The following MAP4K3 variants were observed in gnomAD, a reference collection of about 807,000 sequenced individuals.
MAP4K3 encodes MAPK/ERK kinase kinase kinase 3.
MAP4K3 carries 94 observed loss-of-function variants against 143.5 expected under a neutral mutation model. The ratio of observed to expected loss-of-function variants is 0.65; its 90% CI spans 0.55 to 0.78. MAP4K3 has a LOEUF of 0.78. Ranked by LOEUF, MAP4K3 falls within the 30% of genes least tolerant of loss-of-function variation. The pLI, the probability that MAP4K3 is intolerant of heterozygous loss-of-function variation, is 0.00. For missense variants in MAP4K3, 1,077 were observed against 1,068.1 expected (o/e 1.01, Z -0.12); for synonymous variants, 416 against 347.2 (o/e 1.20, Z -2.20).
intron 7 of MAP4K3, among the ~76,000 whole-genome samples, chr2:39,333,041 T>C (rs1377741819): frequency 2.0e-5 from 3 of 152,130 alleles, no homozygotes; most frequent in Admixed American, 2.0e-4. Flanking sequence ...TCTATTTTAA[T>C]TGAAAATTTA....
Position 39,286,851 on chromosome 2 carries a change from C to T in MAP4K3, c.1587+1G>A, listed in dbSNP as rs1290162895. The T allele has an allele frequency of 1.9e-6, 3 of 1,588,218 alleles. No homozygotes were observed. The highest frequency in any genetic ancestry group is 1.7e-6 in the Non-Finnish European group (2 of 1,166,444). On this transcript the variant is annotated splice_donor_variant, in intron 21 of 33. Transcript: ENST00000263881. LOFTEE classifies it high-confidence loss of function. ...TAGAACTTATGACTATCAATACCTA[C>T]TGGTACATCTTTCTTTTCTTTTCTT...
At chr2:39,328,748 T>C (rs1205818375) in intron 8 of MAP4K3, among the ~76,000 whole-genome samples, 2 of 152,170 alleles carry the variant, frequency 1.3e-5, no homozygotes, top group Non-Finnish European at 2.9e-5. Flanking sequence ...CTAAGAAATG[T>C]AGTTGATGCA....
At chr2:39,433,505 A>C (rs1665357226) in intron 1 of MAP4K3, among the ~76,000 whole-genome samples, 1 of 152,210 alleles carries the variant, frequency 6.6e-6, no homozygotes. Flanking sequence ...TCATATTATG[A>C]TCTATTATAA....
At chr2:39,299,641 A>G (rs1298867703) in intron 16 of MAP4K3, 102 bp downstream of exon 16, 7 of 533,010 alleles carry the variant, frequency 1.3e-5, no homozygotes, top group Non-Finnish European at 2.2e-5. Flanking sequence ...AAATATATCT[A>G]CCAGCCTAAT....
intron 8 of MAP4K3, among the ~76,000 whole-genome samples, chr2:39,328,217 GTTAC>G (rs989667148): frequency 6.6e-6 from 1 of 152,138 alleles, no homozygotes; most frequent in African/African-American, 2.4e-5. Context: ...TGTGGTTCTA[GTTAC>G]TTGGGAGGCT....
chr2:39,301,800 G>A (rs1436736932), intron 15 of MAP4K3, among the ~76,000 whole-genome samples: 2 of 152,096 alleles, frequency 1.3e-5, no homozygotes, highest in African/African-American at 2.4e-5. Flanking sequence ...CGAGGCGGGC[G>A]GATCATGAGG....
At chr2:39,407,582 T>C (rs1053741511) in intron 1 of MAP4K3, among the ~76,000 whole-genome samples, 1 of 152,156 alleles carries the variant, frequency 6.6e-6, no homozygotes, top group African/African-American at 2.4e-5. Flanking sequence ...TTGTTTTTTA[T>C]AGAGCGAGAG....
At chr2:39,310,910 T>A (rs1573131469) in intron 13 of MAP4K3, among the ~76,000 whole-genome samples, 1 of 152,208 alleles carries the variant, frequency 6.6e-6, no homozygotes, top group South Asian at 2.1e-4. Context: ...GCCATTTGTA[T>A]GTCAGCTGGA....
intron 2 of MAP4K3, among the ~76,000 whole-genome samples, chr2:39,361,013 G>A (rs779466094): frequency 3.2e-4 from 48 of 152,170 alleles, no homozygotes; most frequent in Non-Finnish European, 6.0e-4. Context: ...ATACTTTGCT[G>A]CTGGCCTTGT....
chr2:39,260,584 T>G (rs1680528352), intron 29 of MAP4K3, 22 bp downstream of exon 29: 1 of 1,608,304 alleles, frequency 6.2e-7, no homozygotes, highest in Non-Finnish European at 8.5e-7. Flanking sequence ...TTACCCTTAA[T>G]AATTCCATAA....
intron 1 of MAP4K3, among the ~76,000 whole-genome samples, chr2:39,404,470 T>G (rs1401838967): frequency 6.6e-6 from 1 of 151,720 alleles, no homozygotes; most frequent in Admixed American, 6.6e-5. Flanking sequence ...GTAGTGGTGG[T>G]GGCCAATGCG....
intron 1 of MAP4K3, among the ~76,000 whole-genome samples, chr2:39,435,573 C>T (rs754914493): frequency 2.6e-5 from 4 of 152,216 alleles, no homozygotes; most frequent in Non-Finnish European, 5.9e-5. Context: ...CTATTACATG[C>T]TCTCATAACC....
chr2:39,285,630 T>A lies in MAP4K3; in HGVS notation c.1587+1222A>T, dbSNP rs535187115. ...GTCATATTGTATAGTGAAATATTTT[T>A]AAAAAGTTAAACAGATATAGCACAA... On this transcript the variant is annotated intron_variant, in intron 21 of 33. Coordinates refer to ENST00000263881, the MANE Select transcript of MAP4K3 (RefSeq NM_003618.4). Among the ~76,000 whole-genome samples the A allele has an allele frequency of 2.4e-4, 36 of 151,452 alleles. No homozygotes were observed. In the Middle Eastern group the frequency reaches 0.014, roughly 57 times the overall value.
At position 39,280,253 on chromosome 2, in the gene MAP4K3, TA is replaced by T; in HGVS notation, c.1714+18del. ...TTTAAAAAATTAGGAAGATAACAGA[TA>T]AAAACACACAATACTACCTCTTGTA... On this transcript the variant is annotated intron_variant, in intron 23 of 33. Transcript: ENST00000263881. 1 of 1,410,338 alleles carries T rather than the reference TA, an allele frequency of 7.1e-7. No individual in the cohort carries two copies. Among genetic ancestry groups the T allele is most frequent in the Non-Finnish European group, 9.6e-7 (1 of 1,043,932 alleles). 87.4% of individuals were successfully genotyped at this position (1,410,338 alleles called of 1,614,324 possible). A position where few individuals can be genotyped will look rare whatever the true frequency, so the allele number is the denominator to read the frequency against.
At chr2:39,411,785 A>C (rs1203345219) in intron 1 of MAP4K3, among the ~76,000 whole-genome samples, 1 of 152,234 alleles carries the variant, frequency 6.6e-6, no homozygotes, top group Non-Finnish European at 1.5e-5. Flanking sequence ...ATCTGCAGAG[A>C]GGGAAAGTGA....
intron 29 of MAP4K3, among the ~76,000 whole-genome samples, chr2:39,259,196 T>C (rs917516465): frequency 2.6e-5 from 4 of 152,106 alleles, no homozygotes; most frequent in African/African-American, 9.7e-5. Flanking sequence ...TCCTGCTATA[T>C]CGCCTAGGCT....
At chr2:39,288,693 T>C (rs1207064300) in intron 19 of MAP4K3, among the ~76,000 whole-genome samples, 1 of 152,230 alleles carries the variant, frequency 6.6e-6, no homozygotes, top group African/African-American at 2.4e-5. Context: ...GTCTCTTAGA[T>C]GACTCAATGT....
rs146664381 is a variant in MAP4K3, at chr2:39,318,939, G to T, written c.919-3551C>A. Among the ~76,000 whole-genome samples, 649 of 152,214 alleles carry T rather than the reference G, an allele frequency of 4.3e-3. 9 individuals are homozygous for T. Among genetic ancestry groups the T allele is most frequent in the Admixed American group, 6.6e-3 (100 of 15,262 alleles). Reference sequence around the variant, plus strand: ...CATAAGCCAGTGGTTTTTGACCGGGGCAATTTTGTCCCTGAGGAGACATTT... The same window carrying T: ...CATAAGCCAGTGGTTTTTGACCGGGTCAATTTTGTCCCTGAGGAGACATTT... On this transcript the variant is annotated intron_variant, in intron 12 of 33. Transcript: ENST00000263881.
At chr2:39,337,307 G>C (rs1053675185) in intron 5 of MAP4K3, among the ~76,000 whole-genome samples, 2 of 152,060 alleles carry the variant, frequency 1.3e-5, no homozygotes, top group African/African-American at 4.8e-5. Context: ...CAGATGCATA[G>C]TGCTTAAATT....
Sources: allele counts gnomAD v4.1 joint callset (sites outside exome capture counted in the v4.1 genomes callset), GRCh38; gene constraint gnomAD v4.1.1; transcripts MANE v1.5; gene names NCBI Gene and HGNC (gene_info 2026-07-23, HGNC 2026-07-21).